ADAMTSL1: variants seen among roughly 807,000 people sequenced by gnomAD.
ADAMTSL1 encodes the protein ADAMTS-like protein 1.
Under a neutral mutation model 201.8 loss-of-function variants are expected in ADAMTSL1, and 126 were observed. The observed-to-expected ratio is 0.62, with a 90% CI of 0.54 to 0.72. The LOEUF (loss-of-function observed/expected upper bound fraction) is 0.72. Ranked by LOEUF, ADAMTSL1 falls within the 30% of genes least tolerant of loss-of-function variation. The probability of loss-of-function intolerance (pLI) is 0.00; values close to 1 mark genes in which losing one functional copy is unlikely to be tolerated. For synonymous variants in ADAMTSL1, 1,121 were observed against 903.4 expected (o/e 1.24, Z -4.32); for missense variants, 2,679 against 2,277.8 (o/e 1.18, Z -3.59).
intron 1 of ADAMTSL1, among the ~76,000 whole-genome samples, chr9:18,128,312 T>C (rs1046198379): frequency 6.6e-6 from 1 of 152,162 alleles, no homozygotes; most frequent in Non-Finnish European, 1.5e-5. Flanking sequence ...GCACCAATGA[T>C]AGTATTTCTG....
chr9:18,216,647 CCTT>C (rs1301619112), intron 2 of ADAMTSL1, among the ~76,000 whole-genome samples: 1 of 121,282 alleles, frequency 8.2e-6, no homozygotes, highest in African/African-American at 2.7e-5. Flanking sequence ...CTCTTGCTCT[CCTT>C]TTTTTTTTTT....
At chr9:18,383,070 G>C (rs1440551490) in intron 2 of ADAMTSL1, among the ~76,000 whole-genome samples, 1 of 152,080 alleles carries the variant, frequency 6.6e-6, no homozygotes, top group Non-Finnish European at 1.5e-5. Flanking sequence ...ATCCATTTCT[G>C]GCCCAACCAT....
At chr9:18,890,204 G>A (rs1391119056) in intron 25 of ADAMTSL1, among the ~76,000 whole-genome samples, 1 of 152,198 alleles carries the variant, frequency 6.6e-6, no homozygotes, top group Non-Finnish European at 1.5e-5. Flanking sequence ...CAGTTCAGTT[G>A]GGGAAATCTT....
chr9:18,292,668 C>G (rs1221061470), intron 2 of ADAMTSL1, among the ~76,000 whole-genome samples: 1 of 152,098 alleles, frequency 6.6e-6, no homozygotes, highest in African/African-American at 2.4e-5. Context: ...GTGCTGGATG[C>G]TTCCTGCCCT....
intron 9 of ADAMTSL1, among the ~76,000 whole-genome samples, chr9:18,666,935 AC>A (rs1265094501): frequency 6.9e-6 from 1 of 144,636 alleles, no homozygotes; most frequent in East Asian, 2.0e-4. Flanking sequence ...TCAGAGAACC[AC>A]CTTTGCAGAT....
intron 23 of ADAMTSL1, among the ~76,000 whole-genome samples, chr9:18,843,524 C>T (rs1043074949): frequency 6.6e-6 from 1 of 150,492 alleles, no homozygotes; most frequent in African/African-American, 2.5e-5. Context: ...TGGAGTTGCT[C>T]TTCTCGAGGA....
chr9:18,231,392 A>G (rs759532976), intron 2 of ADAMTSL1, among the ~76,000 whole-genome samples: 12 of 152,174 alleles, frequency 7.9e-5, no homozygotes, highest in Non-Finnish European at 1.6e-4. Flanking sequence ...CTCAGGTTCT[A>G]CGACCTAGAG....
chr9:18,247,094 T>C (rs1831281036), intron 2 of ADAMTSL1, among the ~76,000 whole-genome samples: 1 of 152,114 alleles, frequency 6.6e-6, no homozygotes, highest in African/African-American at 2.4e-5. Flanking sequence ...AAGAGATACA[T>C]GACAAAAGGG....
intron 2 of ADAMTSL1, among the ~76,000 whole-genome samples, chr9:18,346,532 G>A (rs1835726023): frequency 6.6e-6 from 1 of 152,132 alleles, no homozygotes; most frequent in Admixed American, 6.6e-5. Flanking sequence ...ACATCCATAT[G>A]AAGAAAACCC....
intron 2 of ADAMTSL1, among the ~76,000 whole-genome samples, chr9:18,344,439 C>G (rs1287456897): frequency 6.6e-6 from 1 of 151,828 alleles, no homozygotes; most frequent in Non-Finnish European, 1.5e-5. Context: ...TTTGTTTTTT[C>G]ATTAGGGGCA....
At position 18,537,653 on chromosome 9, in the gene ADAMTSL1, G is replaced by A. The variant is rs188708946; in HGVS notation, c.237+4361G>A. On this transcript the variant is annotated intron_variant, in intron 3 of 28. Coordinates refer to ENST00000380548, the MANE Select transcript of ADAMTSL1 (RefSeq NM_001040272.6). ...GGGGGTGGAGGGGTGAGGCAGAAGG[G>A]TCACTTGAGGCCAGGAGTTTGAGAC... is the stretch of plus-strand genomic sequence containing the variant. Among the ~76,000 whole-genome samples, 260 of 152,122 alleles carry A rather than the reference G, an allele frequency of 1.7e-3. 1 individual carries two copies. Among genetic ancestry groups the A allele is most frequent in the Middle Eastern group, 6.8e-3 (2 of 294 alleles).
intron 1 of ADAMTSL1, among the ~76,000 whole-genome samples, chr9:17,943,108 CTCTTCTCT>C (rs1254621036): frequency 1.3e-5 from 2 of 151,966 alleles, no homozygotes; most frequent in Non-Finnish European, 2.9e-5. Context: ...TTTCTTTTCT[CTCTTCTCT>C]TCTTCTCTTT....
chr9:18,552,861 C>G (rs1361318569), intron 3 of ADAMTSL1, among the ~76,000 whole-genome samples: 1 of 151,542 alleles, frequency 6.6e-6, no homozygotes, highest in Non-Finnish European at 1.5e-5. Flanking sequence ...AGATCTGTCT[C>G]TTACATCTTT....
At chr9:18,450,282 A>C (rs1048327061) in intron 2 of ADAMTSL1, among the ~76,000 whole-genome samples, 1 of 152,146 alleles carries the variant, frequency 6.6e-6, no homozygotes, top group South Asian at 2.1e-4. Context: ...TGGTCGTTAC[A>C]TGATTGTATA....
At chr9:18,774,381 G>C (rs758618985) in intron 17 of ADAMTSL1, among the ~76,000 whole-genome samples, 2 of 151,926 alleles carry the variant, frequency 1.3e-5, no homozygotes, top group African/African-American at 2.4e-5. Flanking sequence ...CTGTCAAACT[G>C]TTCTGTCCCA....
intron 1 of ADAMTSL1, among the ~76,000 whole-genome samples, chr9:17,935,866 C>T (rs987126175): frequency 2.0e-5 from 3 of 152,178 alleles, no homozygotes; most frequent in African/African-American, 7.2e-5. Flanking sequence ...TCCTATTAAA[C>T]ATGACTCAGG....
At chr9:18,884,254 T>C (rs1191594417) in intron 23 of ADAMTSL1, among the ~76,000 whole-genome samples, 4 of 152,216 alleles carry the variant, frequency 2.6e-5, no homozygotes, top group African/African-American at 7.2e-5. Context: ...ATTTGGGCAT[T>C]TGCCTGAACC....
chr9:18,367,505 C>A (rs1425066788), intron 2 of ADAMTSL1, among the ~76,000 whole-genome samples: 2 of 151,948 alleles, frequency 1.3e-5, no homozygotes, highest in East Asian at 3.9e-4. Flanking sequence ...GCCAAAACTT[C>A]TAAGTCTGTT....
intron 26 of ADAMTSL1, chr9:18,905,395 T>C (rs1830245838): frequency 5.8e-6 from 1 of 171,894 alleles, no homozygotes; most frequent in African/African-American, 2.4e-5. Context: ...AAGAAAACGA[T>C]AAACCATATT....
Sources: gnomAD v4.1 joint callset for allele counts (sites outside exome capture counted in the v4.1 genomes callset) on GRCh38, gnomAD v4.1.1 for gene constraint, MANE v1.5 for transcripts, NCBI Gene and HGNC (gene_info 2026-07-23, HGNC 2026-07-21) for gene names.